KAZN: variants seen among roughly 807,000 people sequenced by gnomAD.
The protein encoded by KAZN is kazrin.
A neutral mutation model predicts 87.4 loss-of-function variants in KAZN; 40 were observed. The observed-to-expected ratio is 0.46, with a 90% CI of 0.36 to 0.60. KAZN has a LOEUF of 0.60. Ranked by LOEUF, KAZN falls within the 20% of genes least tolerant of loss-of-function variation. The pLI, the probability that KAZN is intolerant of heterozygous loss-of-function variation, is 0.00. For missense variants in KAZN, 898 were observed against 1,073.9 expected, an observed-to-expected ratio of 0.84 and a Z score of 2.29; for synonymous variants, 466 against 458.3, an observed-to-expected ratio of 1.02 and a Z score of -0.22.
At chr1:14,263,389 C>T (rs55766718) in intron 2 of KAZN, among the ~76,000 whole-genome samples, 1 of 152,308 alleles carries the variant, frequency 6.6e-6, no homozygotes, top group Non-Finnish European at 1.5e-5. Flanking sequence ...TAAAATGTCA[C>T]AGGGTGTGCT....
At chr1:14,865,558 G>T (rs2101037044) in intron 1 of KAZN, among the ~76,000 whole-genome samples, 1 of 152,004 alleles carries the variant, frequency 6.6e-6, no homozygotes, top group East Asian at 1.9e-4. Context: ...CTTGCCAGGG[G>T]ACCCCCTCCA....
At chr1:14,575,954 A>G (rs1675152916) in intron 2 of KAZN, among the ~76,000 whole-genome samples, 1 of 152,116 alleles carries the variant, frequency 6.6e-6, no homozygotes, top group Admixed American at 6.5e-5. Flanking sequence ...TTAGGTGAAC[A>G]TTTTGTGGGG....
intron 1 of KAZN, among the ~76,000 whole-genome samples, chr1:14,154,329 T>G (rs1645541474): frequency 6.6e-6 from 1 of 152,214 alleles, no homozygotes; most frequent in Non-Finnish European, 1.5e-5. Flanking sequence ...ATGCTACTGA[T>G]TTTGTATGTT....
At chr1:14,058,002 C>A (rs1297996790) in intron 1 of KAZN, among the ~76,000 whole-genome samples, 1 of 152,198 alleles carries the variant, frequency 6.6e-6, no homozygotes, top group Non-Finnish European at 1.5e-5. Flanking sequence ...TTCAATGGAA[C>A]TTCTCCATTG....
At chr1:14,545,440 AC>A (rs1673081143) in intron 2 of KAZN, among the ~76,000 whole-genome samples, 1 of 152,184 alleles carries the variant, frequency 6.6e-6, no homozygotes, top group Non-Finnish European at 1.5e-5. Context: ...CCGCTCCATG[AC>A]CTTGGGACAG....
intron 2 of KAZN, among the ~76,000 whole-genome samples, chr1:14,467,512 A>G (rs982197367): frequency 6.6e-6 from 1 of 152,058 alleles, no homozygotes; most frequent in African/African-American, 2.4e-5. Flanking sequence ...AATGGGTTAA[A>G]CACTCTAAGC....
intron 8 of KAZN, among the ~76,000 whole-genome samples, chr1:15,091,197 C>T (rs1236769683): frequency 6.6e-6 from 1 of 152,110 alleles, no homozygotes; most frequent in Non-Finnish European, 1.5e-5. Flanking sequence ...GTTGATCCAT[C>T]TAGTACTTTA....
At chr1:14,680,529 G>C (rs1337123340) in intron 1 of KAZN, among the ~76,000 whole-genome samples, 2 of 152,124 alleles carry the variant, frequency 1.3e-5, no homozygotes, top group East Asian at 3.9e-4. Flanking sequence ...TATGTGCCAT[G>C]GTGGTTTGCT....
chr1:14,842,269 C>T (rs570659468), intron 1 of KAZN, among the ~76,000 whole-genome samples: 1 of 152,306 alleles, frequency 6.6e-6, no homozygotes, highest in East Asian at 1.9e-4. Context: ...TTGTTGAATG[C>T]ATGAATGAAT....
intron 2 of KAZN, among the ~76,000 whole-genome samples, chr1:14,414,871 C>T (rs1254592220): frequency 1.3e-5 from 2 of 152,006 alleles, no homozygotes; most frequent in Non-Finnish European, 2.9e-5. Flanking sequence ...CTAAAAAATA[C>T]AAAAGTTAGC....
chr1:15,033,715 G>A (rs1242694884), intron 2 of KAZN, among the ~76,000 whole-genome samples: 1 of 152,166 alleles, frequency 6.6e-6, no homozygotes, highest in Non-Finnish European at 1.5e-5. Flanking sequence ...TTGGAGAAGT[G>A]TCTGTTCAGA....
intron 8 of KAZN, chr1:15,067,686 T>G: frequency 3.0e-6 from 3 of 985,474 alleles, no homozygotes; most frequent in Non-Finnish European, 3.6e-6. Flanking sequence ...AACACTTTCC[T>G]TCTGACCTGG....
chr1:14,159,722 C>G (rs1388541075), intron 1 of KAZN, among the ~76,000 whole-genome samples: 1 of 152,198 alleles, frequency 6.6e-6, no homozygotes, highest in Non-Finnish European at 1.5e-5. Flanking sequence ...TGAGTCTTAC[C>G]TGAAACCAGC....
At chr1:14,107,724 C>T (rs1420082970) in intron 1 of KAZN, among the ~76,000 whole-genome samples, 6 of 152,130 alleles carry the variant, frequency 3.9e-5, no homozygotes, top group Non-Finnish European at 8.8e-5. Flanking sequence ...CCATTTTAAC[C>T]AGATCATGGC....
At chr1:14,807,077 C>T (rs1646246534) in intron 1 of KAZN, among the ~76,000 whole-genome samples, 1 of 152,198 alleles carries the variant, frequency 6.6e-6, no homozygotes, top group African/African-American at 2.4e-5. Flanking sequence ...CTTGGTTTCT[C>T]TGTGGCCGTT....
At chr1:14,173,719 G>T in intron 1 of KAZN, among the ~76,000 whole-genome samples, 1 of 126,444 alleles carries the variant, frequency 7.9e-6, no homozygotes, top group Non-Finnish European at 1.6e-5. Flanking sequence ...CCATCAAATT[G>T]TCCTGAGATT....
intron 1 of KAZN, among the ~76,000 whole-genome samples, chr1:14,799,832 T>C (rs994749575): frequency 2.6e-5 from 4 of 152,350 alleles, no homozygotes; most frequent in African/African-American, 9.6e-5. Flanking sequence ...TCTTACACGA[T>C]ATTTTATAGG....
chr1:14,829,266 T>C (rs2100867636), intron 1 of KAZN, among the ~76,000 whole-genome samples: 1 of 152,318 alleles, frequency 6.6e-6, no homozygotes, highest in African/African-American at 2.4e-5. Context: ...ATTGATTCCC[T>C]CAACACATAT....
chr1:14,785,044 C>T (rs1434863536), intron 1 of KAZN, among the ~76,000 whole-genome samples: 2 of 149,690 alleles, frequency 1.3e-5, no homozygotes, highest in African/African-American at 5.0e-5. Context: ...GATGTAAGCA[C>T]GGGGGTGCAT....
Sources: gnomAD v4.1 joint callset for allele counts (sites outside exome capture counted in the v4.1 genomes callset) on GRCh38, gnomAD v4.1.1 for gene constraint, MANE v1.5 for transcripts, NCBI Gene and HGNC (gene_info 2026-07-23, HGNC 2026-07-21) for gene names.